Variants in TENM3 observed in about 807,000 individuals in gnomAD.
TENM3 encodes the protein teneurin transmembrane protein 3.
TENM3 carries 63 observed loss-of-function variants against 255.1 expected under a neutral mutation model. The observed-to-expected ratio is 0.25, with a 90% CI of 0.20 to 0.30. The LOEUF is 0.30. Ranked by LOEUF, TENM3 falls within the 10% of genes least tolerant of loss-of-function variation. The probability of loss-of-function intolerance (pLI) is 1.00; values close to 1 mark genes in which losing one functional copy is unlikely to be tolerated. For missense variants in TENM3, 2,929 were observed against 3,461.1 expected, an observed-to-expected ratio of 0.85 and a Z score of 3.86; for synonymous variants, 1,306 against 1,322.3, an observed-to-expected ratio of 0.99 and a Z score of 0.27.
At chr4:181,616,314 T>C in the TENM3 span, among the ~76,000 whole-genome samples, 1 of 103,704 alleles carries the variant, frequency 9.6e-6, no homozygotes, top group Non-Finnish European at 1.8e-5. Context: ...ACCCATAGAA[T>C]ACACACACAC....
At chr4:182,037,749 T>G in the TENM3 span, among the ~76,000 whole-genome samples, 1 of 152,322 alleles carries the variant, frequency 6.6e-6, no homozygotes. Context: ...ATGCTCACTG[T>G]GATTTGTTTG....
rs540476125 is a variant in TENM3 at position 182,516,529 on chromosome 4, G to A, written c.512-84395G>A. On this transcript the variant is annotated intron_variant, in intron 3 of 27. Coordinates refer to ENST00000511685, the MANE Select transcript of TENM3 (RefSeq NM_001080477.4). ...TAGGGTTCTTTTTCAAAGTTATTACGAATTTTTTTTAGAGTTGGCTGTACT... is the reference window on the plus strand; with the variant it reads ...TAGGGTTCTTTTTCAAAGTTATTACAAATTTTTTTTAGAGTTGGCTGTACT... 1.2e-4 allele frequency among the ~76,000 whole-genome samples: 18 copies of A among 152,052 alleles called. No individual in the cohort carries two copies. The East Asian group carries it at 2.9e-3, about 24-fold the overall frequency.
chr4:182,284,692 T>C (rs919486961), intron 1 of TENM3, among the ~76,000 whole-genome samples: 3 of 152,092 alleles, frequency 2.0e-5, no homozygotes, highest in Non-Finnish European at 4.4e-5. Flanking sequence ...GAAAAGCCAG[T>C]AGTTGGGAAG....
chr4:182,031,585 GA>G, the TENM3 span, among the ~76,000 whole-genome samples: 4 of 152,144 alleles, frequency 2.6e-5, no homozygotes, highest in Non-Finnish European at 5.9e-5. Flanking sequence ...CTAATTCTGT[GA>G]AGAATATCAA....
chr4:181,991,183 G>C, the TENM3 span, among the ~76,000 whole-genome samples: 22 of 152,138 alleles, frequency 1.4e-4, no homozygotes, highest in African/African-American at 5.3e-4. Flanking sequence ...TTTTCACTTA[G>C]GAAGAAAAAA....
the TENM3 span, among the ~76,000 whole-genome samples, chr4:182,077,251 T>G: frequency 6.6e-6 from 1 of 152,110 alleles, no homozygotes; most frequent in African/African-American, 2.4e-5. Context: ...TGTATATTTT[T>G]GGGTTTTCTC....
chr4:182,085,470 G>A, the TENM3 span, among the ~76,000 whole-genome samples: 17,661 of 151,956 alleles, frequency 0.12, 1,232 homozygotes, highest in Non-Finnish European at 0.16. Flanking sequence ...CTATAATGTG[G>A]GAAAACATTT....
At chr4:182,206,084 A>C (rs769478710) in intron 1 of TENM3, among the ~76,000 whole-genome samples, 3 of 152,154 alleles carry the variant, frequency 2.0e-5, no homozygotes, top group Non-Finnish European at 4.4e-5. Flanking sequence ...CAGCTAAACT[A>C]ACAGATATAA....
chr4:181,547,866 TTACATA>T, the TENM3 span, among the ~76,000 whole-genome samples: 3 of 152,152 alleles, frequency 2.0e-5, no homozygotes, highest in Non-Finnish European at 2.9e-5. Flanking sequence ...TGCAGGTTTG[TTACATA>T]TACATATACA....
the TENM3 span, among the ~76,000 whole-genome samples, chr4:181,712,320 T>A: frequency 1.8e-4 from 28 of 152,290 alleles, no homozygotes; most frequent in African/African-American, 6.5e-4. Flanking sequence ...ATAAATGGTT[T>A]GGCGTCATCC....
intron 1 of TENM3, among the ~76,000 whole-genome samples, chr4:182,229,837 A>G (rs1756444121): frequency 6.6e-6 from 1 of 152,178 alleles, no homozygotes; most frequent in Admixed American, 6.5e-5. Flanking sequence ...GGTTGAATAC[A>G]GTGTACATAA....
the TENM3 span, among the ~76,000 whole-genome samples, chr4:181,481,412 A>G: frequency 2.0e-5 from 3 of 152,130 alleles, no homozygotes; most frequent in African/African-American, 2.4e-5. Context: ...CTGTTCATAT[A>G]TGAGGGTATT....
the TENM3 span, among the ~76,000 whole-genome samples, chr4:181,717,499 T>A: frequency 6.6e-6 from 1 of 152,238 alleles, no homozygotes; most frequent in Admixed American, 6.5e-5. Context: ...AAAGTTTCTG[T>A]GTGCAAATTG....
chr4:182,436,629 TG>T (rs1772069637), intron 3 of TENM3, among the ~76,000 whole-genome samples: 1 of 152,188 alleles, frequency 6.6e-6, no homozygotes, highest in Non-Finnish European at 1.5e-5. Flanking sequence ...ATGATATGGC[TG>T]TGGTTAGATC....
chr4:182,728,482 T>C (rs1760408317), intron 13 of TENM3, among the ~76,000 whole-genome samples: 1 of 152,226 alleles, frequency 6.6e-6, no homozygotes, highest in South Asian at 2.1e-4. Context: ...ATATTTACTC[T>C]CTATGAAGGC....
At chr4:181,749,212 C>A in the TENM3 span, among the ~76,000 whole-genome samples, 1 of 151,890 alleles carries the variant, frequency 6.6e-6, no homozygotes, top group Admixed American at 6.6e-5. Context: ...TAAAAGAGGT[C>A]CTTTTTGGCT....
intron 1 of TENM3, chr4:182,169,390 G>A (rs753596092): frequency 6.7e-6 from 3 of 446,520 alleles, no homozygotes; most frequent in South Asian, 5.0e-5. Flanking sequence ...AAAAATTCAA[G>A]TAAAAATCTG....
chr4:182,040,647 G>A, the TENM3 span, among the ~76,000 whole-genome samples: 21 of 152,150 alleles, frequency 1.4e-4, 1 homozygote, highest in Non-Finnish European at 2.5e-4. Context: ...CACCAATTTC[G>A]TTCATGCCAC....
chr4:182,027,731 T>G, the TENM3 span, among the ~76,000 whole-genome samples: 1 of 152,166 alleles, frequency 6.6e-6, no homozygotes, highest in African/African-American at 2.4e-5. Flanking sequence ...TAATCATATT[T>G]TTTGTCCTTC....
Sources: gnomAD v4.1 joint callset for allele counts (sites outside exome capture counted in the v4.1 genomes callset) on GRCh38, gnomAD v4.1.1 for gene constraint, MANE v1.5 for transcripts, NCBI Gene and HGNC (gene_info 2026-07-23, HGNC 2026-07-21) for gene names.